SPRYD7: variants seen among roughly 807,000 people sequenced by gnomAD.
SPRYD7 encodes SPRY domain containing 7, also known as SPRY domain-containing protein 7.
Under a neutral mutation model 23.8 loss-of-function variants are expected in SPRYD7, and 14 were observed. The ratio of observed to expected loss-of-function variants is 0.59; its 90% CI spans 0.39 to 0.92. SPRYD7 has a LOEUF of 0.92. Among genes scored for constraint, SPRYD7 ranks in the 40% least tolerant of loss-of-function variants. The pLI, the probability that SPRYD7 is intolerant of heterozygous loss-of-function variation, is 0.00. For synonymous variants in SPRYD7, 75 were observed against 84.9 expected (o/e 0.88, Z 0.64); for missense variants, 194 against 241.7 (o/e 0.80, Z 1.31).
intron 3 of SPRYD7, among the ~76,000 whole-genome samples, chr13:49,923,817 TCTATTC>T (rs534197479): frequency 3.9e-5 from 6 of 151,922 alleles, no homozygotes; most frequent in African/African-American, 1.4e-4. Context: ...TCTAACCTAA[TCTATTC>T]TATGATGAAG....
At chr13:49,929,449 G>A (rs1955921367) in intron 2 of SPRYD7, among the ~76,000 whole-genome samples, 1 of 152,132 alleles carries the variant, frequency 6.6e-6, no homozygotes, top group Non-Finnish European at 1.5e-5. Flanking sequence ...TACTGATGCA[G>A]TATTTCACTA....
Position 49,929,730 on chromosome 13 carries a change from C to T in SPRYD7, c.223+1288G>A, listed in dbSNP as rs535628137. 6.6e-5 allele frequency among the ~76,000 whole-genome samples: 10 copies of T among 151,890 alleles called. 1 individual carries two copies. The highest frequency in any genetic ancestry group is 1.9e-4 in the East Asian group (1 of 5,168). ...CAGGCTGGTCTCAAATGCCTGACCT[C>T]GTGATCCACCCCCTCGGCCTCCCAA... On this transcript the variant is annotated intron_variant, in intron 2 of 4. Coordinates refer to ENST00000361840, the MANE Select transcript of SPRYD7 (RefSeq NM_020456.4).
chr13:49,929,785 G>A (rs1955926478), intron 2 of SPRYD7, among the ~76,000 whole-genome samples: 1 of 142,682 alleles, frequency 7.0e-6, no homozygotes, highest in Non-Finnish European at 1.5e-5. Flanking sequence ...GAGCCACCAC[G>A]CCCAGCCACT....
chr13:49,916,605 TAA>T (rs113644915), intron 4 of SPRYD7, among the ~76,000 whole-genome samples: 4 of 139,860 alleles, frequency 2.9e-5, no homozygotes, highest in African/African-American at 2.6e-5. Flanking sequence ...ACCTAAATGT[TAA>T]AAAAAAAAAA....
chr13:49,930,868 C>A (rs1955940083), intron 2 of SPRYD7, 150 bp downstream of exon 2: 1 of 496,978 alleles, frequency 2.0e-6, no homozygotes, highest in South Asian at 3.0e-5. Flanking sequence ...ACTAATTTAC[C>A]CAGGATCACA....
At chr13:49,922,506 T>C (rs1160463723) in intron 3 of SPRYD7, among the ~76,000 whole-genome samples, 3 of 152,098 alleles carry the variant, frequency 2.0e-5, no homozygotes, top group Non-Finnish European at 2.9e-5. Flanking sequence ...TACCTAAGGT[T>C]GCACAGCTAG....
Position 49,931,134 on chromosome 13 carries a change from C to T in SPRYD7, c.107G>A (p.Gly36Glu), listed in dbSNP as rs373728075. ...PAVQLDTQHM[G>E]TDVVIVKNGR... ...ATTCTTTACAATAACAACATCTGTT[C>T]CTAAACAAAAAATGCAGACACTATG... The change falls in exon 2 of 5, where the codon GGA becomes GAA. Residue 36 changes from glycine (G) to glutamate (E), a missense_variant and splice_region_variant. By Grantham distance (98) the Gly-to-Glu change is moderately conservative (BLOSUM62 -2). Transcript: ENST00000361840. 9.6e-5 allele frequency: 151 copies of T among 1,579,384 alleles called. No homozygotes were observed. Among genetic ancestry groups the T allele is most frequent in the Admixed American group, 6.6e-4 (37 of 55,816 alleles).
At chr13:49,926,812 G>T (rs1354222191) in intron 3 of SPRYD7, among the ~76,000 whole-genome samples, 2 of 152,132 alleles carry the variant, frequency 1.3e-5, no homozygotes, top group Admixed American at 6.5e-5. Context: ...GAGAACCCAA[G>T]GTTCAGTGTA....
chr13:49,932,625 G>A (rs1871436572), intron 1 of SPRYD7, among the ~76,000 whole-genome samples: 1 of 152,136 alleles, frequency 6.6e-6, no homozygotes, highest in Non-Finnish European at 1.5e-5. Flanking sequence ...GGCAATAACT[G>A]TACCAGCCAA....
intron 3 of SPRYD7, among the ~76,000 whole-genome samples, chr13:49,922,326 AAATT>A (rs1208100810): frequency 1.5e-4 from 22 of 149,224 alleles, no homozygotes; most frequent in Admixed American, 1.4e-3. Flanking sequence ...GTATAAATAT[AAATT>A]ATTTATATAA....
chr13:49,924,986 AAAT>A (rs1555316937), intron 3 of SPRYD7, among the ~76,000 whole-genome samples: 1,525 of 134,106 alleles, frequency 0.011, 68 homozygotes, highest in Admixed American at 0.081. Context: ...CAAAAAAAAA[AAAT>A]AAATAAATAA....
At chr13:49,926,342 C>T (rs1460068960) in intron 3 of SPRYD7, among the ~76,000 whole-genome samples, 1 of 152,146 alleles carries the variant, frequency 6.6e-6, no homozygotes, top group African/African-American at 2.4e-5. Flanking sequence ...TACTGATTAT[C>T]CTTTCTTATG....
chr13:49,936,132 A>C lies in SPRYD7; in HGVS notation c.104T>G (p.Met35Arg). Residue 35 changes from methionine to arginine, a missense_variant and splice_region_variant, in exon 1 of 5, where the codon ATG (methionine) becomes AGG (arginine). Transcript: ENST00000361840. ...MPAVQLDTQHMGTDVVIVKNG... is the reference protein window; with the variant it reads ...MPAVQLDTQHRGTDVVIVKNG... Reference sequence around the variant, plus strand: ...TCTGGGGAAGGGAGGGCCCTTACCCATGTGCTGCGTGTCCAGCTGCACGGC... The same window carrying C: ...TCTGGGGAAGGGAGGGCCCTTACCCCTGTGCTGCGTGTCCAGCTGCACGGC... The C allele has an allele frequency of 1.3e-6, 2 of 1,595,676 alleles. No individual in the cohort carries two copies. Among genetic ancestry groups the C allele is most frequent in the East Asian group, 2.3e-5 (1 of 43,656 alleles).
intron 1 of SPRYD7, among the ~76,000 whole-genome samples, chr13:49,931,779 T>C (rs962652843): frequency 1.3e-5 from 2 of 151,270 alleles, no homozygotes; most frequent in African/African-American, 4.9e-5. Context: ...CAAAACCCCA[T>C]CTCTATAAAA....
intron 2 of SPRYD7, 101 bp downstream of exon 2, chr13:49,930,917 G>C (rs1955940622): frequency 3.0e-6 from 2 of 665,438 alleles, no homozygotes; most frequent in Non-Finnish European, 5.0e-6. Context: ...TAAGAGTTTG[G>C]TGCTTTTATA....
At chr13:49,917,579 A>C (rs1214274195) in intron 4 of SPRYD7, among the ~76,000 whole-genome samples, 1 of 152,244 alleles carries the variant, frequency 6.6e-6, no homozygotes. Flanking sequence ...TCAGGCTATT[A>C]AAACACTTGG....
intron 3 of SPRYD7, among the ~76,000 whole-genome samples, chr13:49,923,993 T>G (rs1039344189): frequency 1.3e-5 from 2 of 151,968 alleles, no homozygotes; most frequent in African/African-American, 4.8e-5. Flanking sequence ...TCTTTTTTTT[T>G]TTTTTTGAGG....
rs184624221 is a variant in SPRYD7, at chr13:49,924,380, G to A, written c.391-2800C>T. On this transcript the variant is annotated intron_variant, in intron 3 of 4. Coordinates refer to ENST00000361840, the MANE Select transcript of SPRYD7 (RefSeq NM_020456.4). Reference sequence around the variant, plus strand: ...CGCCTTTATCTCCCAGGCTGAAGCAGTTCTCCCACCTCAGCCTTCCAAGTA... The same window carrying A: ...CGCCTTTATCTCCCAGGCTGAAGCAATTCTCCCACCTCAGCCTTCCAAGTA... Among the ~76,000 whole-genome samples, 490 of 152,214 alleles carry A rather than the reference G, an allele frequency of 3.2e-3. 3 individuals are homozygous for A. Among genetic ancestry groups the A allele is most frequent in the African/African-American group, 9.8e-3 (408 of 41,528 alleles).
At chr13:49,923,228 G>T (rs1009686105) in intron 3 of SPRYD7, among the ~76,000 whole-genome samples, 2 of 151,834 alleles carry the variant, frequency 1.3e-5, no homozygotes, top group Non-Finnish European at 2.9e-5. Context: ...GTGGCCGATT[G>T]CAAACAAACA....
Sources: gnomAD v4.1 joint callset for allele counts (sites outside exome capture counted in the v4.1 genomes callset) on GRCh38, gnomAD v4.1.1 for gene constraint, MANE v1.5 for transcripts, NCBI Gene and HGNC (gene_info 2026-07-23, HGNC 2026-07-21) for gene names.